FBXW11: variants seen among roughly 807,000 people sequenced by gnomAD.
FBXW11 encodes F-box/WD repeat-containing protein 11.
A neutral mutation model predicts 77.6 loss-of-function variants in FBXW11; 19 were observed. The observed-to-expected ratio is 0.24, with a 90% CI of 0.17 to 0.36. The LOEUF (loss-of-function observed/expected upper bound fraction) is 0.36. Among genes scored for constraint, FBXW11 ranks in the 10% least tolerant of loss-of-function variants. The pLI, the probability that FBXW11 is intolerant of heterozygous loss-of-function variation, is 1.00. For synonymous variants in FBXW11, 235 were observed against 249.4 expected (o/e 0.94, Z 0.54); for missense variants, 334 against 704.2 (o/e 0.47, Z 5.95).
At chr5:171,886,864 A>G (rs190929958) in intron 7 of FBXW11, among the ~76,000 whole-genome samples, 79 of 152,042 alleles carry the variant, frequency 5.2e-4, no homozygotes, top group South Asian at 1.0e-3. Flanking sequence ...AAACACAAAA[A>G]ATTAGCCAGG....
chr5:171,920,208 C>T (rs576528047), intron 2 of FBXW11, among the ~76,000 whole-genome samples: 1 of 151,984 alleles, frequency 6.6e-6, no homozygotes, highest in Non-Finnish European at 1.5e-5. Context: ...GGCACAGTTA[C>T]TCTGTCTTCA....
At position 171,994,266 on chromosome 5, in the gene FBXW11, C is replaced by G. The variant is rs971096773; in HGVS notation, c.45+12192G>C. ...CTGGGTTCATATCTCACCTTTGTCC[C>G]TTACAAGATGTGTGACCTAAAGCAT... On this transcript the variant is annotated intron_variant, in intron 1 of 13. Transcript: ENST00000517395. Among the ~76,000 whole-genome samples the G allele has an allele frequency of 2.0e-5, 3 of 152,138 alleles. No individual in the cohort carries two copies. The South Asian group carries it at 6.2e-4, about 32-fold the overall frequency.
chr5:171,952,443 ATATATTTTTTTT>A (rs1210964400), intron 2 of FBXW11, among the ~76,000 whole-genome samples: 2 of 10,758 alleles, frequency 1.9e-4, no homozygotes, highest in African/African-American at 4.4e-4. Flanking sequence ...ATATATATAT[ATATATTTTTTTT>A]TTTTTTTTTT....
chr5:171,899,966 G>T lies in FBXW11; in HGVS notation c.571C>A (p.Arg191=). The T allele has an allele frequency of 1.9e-6, 3 of 1,613,740 alleles. No homozygotes were observed. Among genetic ancestry groups the T allele is most frequent in the Non-Finnish European group, 2.5e-6 (3 of 1,179,764 alleles). ...EGMLWKKLIE[R]MVRTDPLWKG... is the part of the protein sequence containing the mutation. The stretch of plus-strand genomic sequence containing the variant: ...CATAGGGGATCAGTGCGTACCATTC[G>T]TTCAATCAGCTTCTTCCAAAGCATT... The change falls in exon 5 of 14, where the codon CGA becomes AGA. Residue 191 remains arginine, a synonymous_variant. Transcript: ENST00000517395.
chr5:171,980,864 T>C (rs1278091207), intron 1 of FBXW11, among the ~76,000 whole-genome samples: 1 of 152,136 alleles, frequency 6.6e-6, no homozygotes, highest in Non-Finnish European at 1.5e-5. Flanking sequence ...AAGCGAAAAT[T>C]CTTGGAATTG....
rs538712647 is a variant in FBXW11, at chr5:171,861,617, A to C, written c.*2510T>G. 1 of 152,790 alleles carries C rather than the reference A, an allele frequency of 6.5e-6. No homozygotes were observed. The highest frequency in any genetic ancestry group is 2.1e-4 in the South Asian group (1 of 4,828). The allele number at this position is 152,790 out of a possible 1,614,324, so 9.5% of individuals were successfully genotyped here. A position where few individuals can be genotyped will look rare whatever the true frequency, so the allele number is the denominator to read the frequency against. Reference sequence around the variant, plus strand: ...AGTAGCTGAAGTAACAATTGCATGAAGCCAGATTAGGTGCACTGCATAATA... The same window carrying C: ...AGTAGCTGAAGTAACAATTGCATGACGCCAGATTAGGTGCACTGCATAATA... On this transcript the variant is annotated 3_prime_UTR_variant, in exon 14 of 14. Coordinates refer to ENST00000517395, the MANE Select transcript of FBXW11 (RefSeq NM_001378974.1).
chr5:171,878,011 C>T lies in FBXW11; in HGVS notation c.971G>A (p.Arg324Lys). ...IVTGSSDSTV[R>K]VWDVNTGEVL... ...AGAACAATGAAGCCAGATCACTCAC[C>T]TCACCGTAGAATCTGAAGAGCCAGT... Residue 324 changes from arginine (R) to lysine (K), a missense_variant and splice_region_variant, in exon 8 of 14, where the codon AGA becomes AAA. Around this residue, in one of 10 missense-constraint regions of FBXW11, gnomAD observed 70 missense variants for 136.6 expected, o/e 0.51. Coordinates refer to ENST00000517395, the MANE Select transcript of FBXW11 (RefSeq NM_001378974.1). 6.2e-7 allele frequency: 1 copy of T among 1,607,940 alleles called. No homozygotes were observed. Among genetic ancestry groups the T allele is most frequent in the Non-Finnish European group, 8.5e-7 (1 of 1,174,704 alleles).
rs187226563 is a variant in FBXW11, at chr5:171,971,112, T to A, written c.46-13414A>T. The stretch of plus-strand genomic sequence containing the variant: ...TTTATAGACCATTTTGTCCATGTTC[T>A]TAAAATATTTTTCTAGTCTAGTTCC... On this transcript the variant is annotated intron_variant, in intron 1 of 13. Transcript: ENST00000517395. 1.7e-3 allele frequency among the ~76,000 whole-genome samples: 258 copies of A among 152,364 alleles called. 1 individual carries two copies. Among genetic ancestry groups the A allele is most frequent in the Non-Finnish European group, 2.7e-3 (185 of 68,026 alleles).
chr5:171,919,701 T>C (rs1761463685), intron 2 of FBXW11, among the ~76,000 whole-genome samples: 1 of 152,200 alleles, frequency 6.6e-6, no homozygotes, highest in Non-Finnish European at 1.5e-5. Flanking sequence ...AGCTCAGAAA[T>C]GTTACACAAC....
intron 6 of FBXW11, among the ~76,000 whole-genome samples, chr5:171,897,049 G>A (rs1213076418): frequency 6.6e-6 from 1 of 152,150 alleles, no homozygotes; most frequent in Non-Finnish European, 1.5e-5. Context: ...GGGTAGAAGG[G>A]TACATGGTTG....
intron 2 of FBXW11, among the ~76,000 whole-genome samples, chr5:171,946,805 C>CTTTTTTTTTTT (rs70982356): frequency 1.7e-5 from 1 of 58,636 alleles, no homozygotes; most frequent in African/African-American, 7.8e-5. Flanking sequence ...GTGTACTTTA[C>CTTTTTTTTTTT]TTTTTTTTTT....
chr5:171,936,958 G>C (rs1422502029), intron 2 of FBXW11, among the ~76,000 whole-genome samples: 1 of 152,174 alleles, frequency 6.6e-6, no homozygotes, highest in Non-Finnish European at 1.5e-5. Flanking sequence ...CAATGTTATG[G>C]AACAATTTAT....
At chr5:171,898,265 G>C (rs1215923449) in intron 6 of FBXW11, among the ~76,000 whole-genome samples, 3 of 152,172 alleles carry the variant, frequency 2.0e-5, no homozygotes, top group African/African-American at 4.8e-5. Context: ...AACTTTATGG[G>C]TGATATTGCA....
In FBXW11 at chr5:171,861,557, T is replaced by C. The variant is rs1390504177; in HGVS notation, c.*2570A>G. On this transcript the variant is annotated 3_prime_UTR_variant, in exon 14 of 14. Transcript: ENST00000517395. ...AATTTCTTAACAGAACGTCAGAGTA[T>C]TGCAACACTTTATTAAGAGTATTGG... 6.6e-6 allele frequency: 1 copy of C among 152,640 alleles called. No individual in the cohort carries two copies. The highest frequency in any genetic ancestry group is 1.5e-5 in the Non-Finnish European group (1 of 68,042). The allele number at this position is 152,640 out of a possible 1,614,324, so 9.5% of individuals were successfully genotyped here. A position where few individuals can be genotyped will look rare whatever the true frequency, so the allele number is the denominator to read the frequency against.
At chr5:171,945,932 T>C (rs537763429) in intron 2 of FBXW11, among the ~76,000 whole-genome samples, 2 of 152,334 alleles carry the variant, frequency 1.3e-5, no homozygotes, top group South Asian at 4.1e-4. Context: ...ATGTGTCAAC[T>C]TGGCTAGACT....
chr5:171,887,073 G>A (rs1758953578), intron 7 of FBXW11, among the ~76,000 whole-genome samples: 2 of 152,092 alleles, frequency 1.3e-5, no homozygotes, highest in African/African-American at 2.4e-5. Flanking sequence ...ATAAGTTTTG[G>A]AACTTGGGAA....
At chr5:171,913,807 C>CCACA (rs773692324) in intron 3 of FBXW11, among the ~76,000 whole-genome samples, 2 of 97,858 alleles carry the variant, frequency 2.0e-5, no homozygotes, top group Non-Finnish European at 4.4e-5. Flanking sequence ...AAACCCCCAA[C>CCACA]CACACACACA....
chr5:171,902,912 G>T (rs1195403568), intron 4 of FBXW11, among the ~76,000 whole-genome samples: 2 of 152,008 alleles, frequency 1.3e-5, no homozygotes, highest in African/African-American at 2.4e-5. Context: ...GGGGATGGTG[G>T]GATTAGGTTA....
At chr5:171,946,278 G>C (rs1404547982) in intron 2 of FBXW11, among the ~76,000 whole-genome samples, 2 of 152,150 alleles carry the variant, frequency 1.3e-5, no homozygotes, top group Non-Finnish European at 2.9e-5. Flanking sequence ...TTTCTCTGGA[G>C]AACCCTGACT....
Sources: allele counts gnomAD v4.1 joint callset (sites outside exome capture counted in the v4.1 genomes callset), GRCh38; gene constraint gnomAD v4.1.1; regional missense constraint gnomAD v4.1.1; transcripts MANE v1.5; gene names NCBI Gene and HGNC (gene_info 2026-07-23, HGNC 2026-07-21).